The following OTULIN variants were observed in gnomAD, a reference collection of about 807,000 sequenced individuals.
The protein encoded by OTULIN is OTU deubiquitinase with linear linkage specificity, also known as ubiquitin thioesterase otulin.
In OTULIN, 15 loss-of-function variants were observed where a neutral mutation model predicts 39.6. That is an observed-to-expected ratio of 0.38 (90% confidence interval 0.25 to 0.58). The LOEUF (loss-of-function observed/expected upper bound fraction) is 0.58, where lower values mean the gene tolerates loss of function less well. OTULIN is among the 20% of genes least tolerant of loss of function. OTULIN has a pLI of 0.66. For missense variants in OTULIN, 319 were observed against 445.9 expected (o/e 0.72, Z 2.56); for synonymous variants, 156 against 170.3 (o/e 0.92, Z 0.65).
chr5:14,703,612 C>A (rs891440865), downstream of OTULIN, among the ~76,000 whole-genome samples: 1 of 152,072 alleles, frequency 6.6e-6, no homozygotes, highest in Non-Finnish European at 1.5e-5. Flanking sequence ...TAGATTTGCC[C>A]CTTGTGGTAT....
intron 4 of OTULIN, among the ~76,000 whole-genome samples, chr5:14,682,429 A>G (rs1477777365): frequency 6.6e-6 from 1 of 152,194 alleles, no homozygotes; most frequent in Non-Finnish European, 1.5e-5. Context: ...CAGCAAAAAG[A>G]TTACAACTTG....
At chr5:14,688,357 GA>G (rs1399873498) in intron 5 of OTULIN, among the ~76,000 whole-genome samples, 4 of 152,068 alleles carry the variant, frequency 2.6e-5, no homozygotes, top group African/African-American at 9.7e-5. Flanking sequence ...GTCAAGTAGA[GA>G]GGGGTCAAAC....
chr5:14,673,022 T>C (rs1736016174), intron 1 of OTULIN, among the ~76,000 whole-genome samples: 1 of 152,192 alleles, frequency 6.6e-6, no homozygotes, highest in Non-Finnish European at 1.5e-5. Context: ...TACTAGAGAC[T>C]AGGAAGCTCT....
In OTULIN at chr5:14,667,242, C is replaced by A. The variant is rs73749526; in HGVS notation, c.152+2265C>A. On this transcript the variant is annotated intron_variant, in intron 1 of 6. Transcript: ENST00000284274. ...GATGTGACTCTGAAGGCTGTGGTGA[C>A]GAGTAGAGAAAGAGATGGCTTATTT... Among the ~76,000 whole-genome samples the A allele has an allele frequency of 1.5e-3, 221 of 152,248 alleles. 1 individual carries two copies. Among genetic ancestry groups the A allele is most frequent in the African/African-American group, 5.2e-3 (216 of 41,530 alleles).
chr5:14,665,603 CAGAAT>C lies in OTULIN; in HGVS notation c.152+631_152+635del, dbSNP rs575631670. ...AAGGGTCTGGGGGTACGCGTGGAAGCAGAATAGAAACTCGAGTGAAACTTTTCTAC... is the reference window on the plus strand; with the variant it reads ...AAGGGTCTGGGGGTACGCGTGGAAGCAGAAACTCGAGTGAAACTTTTCTAC... On this transcript the variant is annotated intron_variant, in intron 1 of 6. Coordinates refer to ENST00000284274, the MANE Select transcript of OTULIN (RefSeq NM_138348.6). Among the ~76,000 whole-genome samples, 21 of 152,248 alleles carry C rather than the reference CAGAAT, an allele frequency of 1.4e-4. No individual in the cohort carries two copies. In the South Asian group the frequency reaches 4.4e-3, roughly 32 times the overall value.
At chr5:14,673,784 G>A (rs937920739) in intron 2 of OTULIN, 66 bp downstream of exon 2, 118 of 1,321,284 alleles carry the variant, frequency 8.9e-5, no homozygotes, top group South Asian at 1.3e-4. Flanking sequence ...AGTTAAATCC[G>A]TATAACCATT....
At chr5:14,710,515 A>AGTTT in the OTULIN span, 1 of 154,556 alleles carries the variant, frequency 6.5e-6, no homozygotes, top group South Asian at 2.0e-4. Flanking sequence ...CAACCATGTC[A>AGTTT]GTTTGCTGCC....
the OTULIN span, among the ~76,000 whole-genome samples, chr5:14,712,526 C>CT: frequency 6.6e-6 from 1 of 152,376 alleles, no homozygotes; most frequent in East Asian, 1.9e-4. Context: ...TCACTGTCCC[C>CT]TCTCCCATCG....
At chr5:14,713,869 C>A in the OTULIN span, among the ~76,000 whole-genome samples, 1 of 152,256 alleles carries the variant, frequency 6.6e-6, no homozygotes, top group African/African-American at 2.4e-5. The surrounding 1 kb of genome is among the most constrained non-coding windows in gnomAD (Gnocchi z 4.4). Flanking sequence ...TCCCCGCCTC[C>A]TCACAGCCCT....
At chr5:14,682,672 A>C (rs1311544292) in intron 4 of OTULIN, among the ~76,000 whole-genome samples, 1 of 152,218 alleles carries the variant, frequency 6.6e-6, no homozygotes, top group Non-Finnish European at 1.5e-5. Flanking sequence ...GCCTGCATGA[A>C]ATGCGATGGC....
intron 4 of OTULIN, among the ~76,000 whole-genome samples, chr5:14,682,212 G>A (rs1030572050): frequency 5.9e-5 from 9 of 152,224 alleles, no homozygotes; most frequent in Non-Finnish European, 1.2e-4. Context: ...ATAGTCAGGT[G>A]GGTGATAGAC....
At position 14,678,482 on chromosome 5, in the gene OTULIN, A is replaced by G. The variant is rs534899759; in HGVS notation, c.230-199A>G. Among the ~76,000 whole-genome samples, 6 of 152,252 alleles carry G rather than the reference A, an allele frequency of 3.9e-5. No homozygotes were observed. The East Asian group carries it at 1.2e-3, about 29-fold the overall frequency. Reference sequence around the variant, plus strand: ...GGTCTGGAGAGTGTGGTGACAAGGGACACCCATTGGGAGACCCCCATGGTT... The same window carrying G: ...GGTCTGGAGAGTGTGGTGACAAGGGGCACCCATTGGGAGACCCCCATGGTT... On this transcript the variant is annotated intron_variant, in intron 2 of 6. Coordinates refer to ENST00000284274, the MANE Select transcript of OTULIN (RefSeq NM_138348.6).
the OTULIN span, among the ~76,000 whole-genome samples, chr5:14,712,251 G>GTCACTCTGCTGCCCCGGCCTGT: frequency 1.3e-5 from 2 of 152,214 alleles, no homozygotes; most frequent in African/African-American, 4.8e-5. Context: ...TGGCCTGGCC[G>GTCACTCTGCTGCCCCGGCCTGT]TCACTCTGCT....
At chr5:14,675,009 G>T (rs1447148182) in intron 2 of OTULIN, among the ~76,000 whole-genome samples, 1 of 152,162 alleles carries the variant, frequency 6.6e-6, no homozygotes, top group Non-Finnish European at 1.5e-5. Context: ...CTGTAAGGTG[G>T]ATGCCTAATG....
chr5:14,678,563 T>C, intron 2 of OTULIN, 118 bp from the exon 3 acceptor site: 1 of 720,988 alleles, frequency 1.4e-6, no homozygotes, highest in Non-Finnish European at 2.2e-6. Flanking sequence ...GGTTGAATTC[T>C]GGATTTTTTG....
the OTULIN span, chr5:14,711,212 T>C: frequency 6.2e-7 from 1 of 1,614,078 alleles, no homozygotes; most frequent in Non-Finnish European, 8.5e-7. Context: ...CATTCTCCTC[T>C]CTCATTTCCA....
At chr5:14,684,256 C>G (rs1248098748) in intron 4 of OTULIN, among the ~76,000 whole-genome samples, 1 of 152,216 alleles carries the variant, frequency 6.6e-6, no homozygotes. Context: ...TGAATGTTAG[C>G]TGAAGAACGT....
rs1056268471 is a variant in OTULIN, at chr5:14,694,976, T to C, written c.*1928T>C. The C allele has an allele frequency of 5.0e-4, 76 of 152,332 alleles. No individual in the cohort carries two copies. Among genetic ancestry groups the C allele is most frequent in the African/African-American group, 1.7e-3 (69 of 41,448 alleles). The allele number at this position is 152,332 out of a possible 1,614,324, so 9.4% of individuals were successfully genotyped here. On this transcript the variant is annotated 3_prime_UTR_variant, in exon 7 of 7. Coordinates refer to ENST00000284274, the MANE Select transcript of OTULIN (RefSeq NM_138348.6). ...TACATAGCAGTAGAGATCTGTGCCC[T>C]TCAGGTACATTGAATCTGACCATCA...
chr5:14,702,002 C>T (rs1436001013), downstream of OTULIN, among the ~76,000 whole-genome samples: 4 of 152,172 alleles, frequency 2.6e-5, no homozygotes, highest in African/African-American at 9.7e-5. Flanking sequence ...TAGGGAAACA[C>T]TCGAGCCTCG....
Sources: allele counts gnomAD v4.1 joint callset (sites outside exome capture counted in the v4.1 genomes callset), GRCh38; gene constraint gnomAD v4.1.1; non-coding constraint Gnocchi (gnomAD v3.1); transcripts MANE v1.5; gene names NCBI Gene and HGNC (gene_info 2026-07-23, HGNC 2026-07-21).